Variants in RRM2 observed in about 807,000 individuals in gnomAD.
RRM2 encodes the protein ribonucleoside-diphosphate reductase subunit M2.
Under a neutral mutation model 45.9 loss-of-function variants are expected in RRM2, and 6 were observed. That is an observed-to-expected ratio of 0.13 (90% CI 0.07 to 0.26). The LOEUF is 0.26. Ranked by LOEUF, RRM2 falls within the 10% of genes least tolerant of loss-of-function variation. The pLI is 1.00. For synonymous variants in RRM2, 177 were observed against 173.0 expected, an observed-to-expected ratio of 1.02 and a Z score of -0.18; for missense variants, 343 against 489.5, an observed-to-expected ratio of 0.70 and a Z score of 2.82.
chr2:10,177,913 C>T (rs564618752), intron 3 of RRM2, among the ~76,000 whole-genome samples: 51 of 150,702 alleles, frequency 3.4e-4, no homozygotes, highest in Middle Eastern at 3.4e-3. Flanking sequence ...TGAGCCACTG[C>T]GCTCAAGCTT....
At chr2:10,131,962 G>A (rs1006578960), downstream of RRM2, among the ~76,000 whole-genome samples, 11 of 152,256 alleles carry the variant, frequency 7.2e-5, no homozygotes, top group South Asian at 1.5e-3. Flanking sequence ...CTCTTTTCCC[G>A]TTTGCAAAAC....
At chr2:10,128,491 G>A (rs1662829003) in intron 7 of RRM2, among the ~76,000 whole-genome samples, 1 of 152,226 alleles carries the variant, frequency 6.6e-6, no homozygotes, top group African/African-American at 2.4e-5. Context: ...CCTTATTACT[G>A]AGCTTTGCCT....
At chr2:10,203,738 G>A (rs1664612996) in intron 3 of RRM2, among the ~76,000 whole-genome samples, 1 of 150,514 alleles carries the variant, frequency 6.6e-6, no homozygotes, top group South Asian at 2.1e-4. Flanking sequence ...GTGACAGAGT[G>A]AGACTCTGTC....
At chr2:10,152,784 C>T (rs1277991718) in intron 3 of RRM2, among the ~76,000 whole-genome samples, 1 of 152,050 alleles carries the variant, frequency 6.6e-6, no homozygotes, top group Non-Finnish European at 1.5e-5. Context: ...CACCTGGCCC[C>T]TGTGTACTAT....
At chr2:10,159,860 A>G (rs1374843339) in intron 3 of RRM2, among the ~76,000 whole-genome samples, 1 of 152,146 alleles carries the variant, frequency 6.6e-6, no homozygotes, top group African/African-American at 2.4e-5. Context: ...CTGTAGCCTC[A>G]CGATTGTGCT....
At chr2:10,193,241 A>AT (rs993281959) in intron 3 of RRM2, among the ~76,000 whole-genome samples, 43 of 152,126 alleles carry the variant, frequency 2.8e-4, no homozygotes, top group African/African-American at 9.2e-4. Flanking sequence ...TGATCATTGC[A>AT]TTTGGGAAGC....
At chr2:10,155,099 C>T in intron 3 of RRM2, 1 of 249,374 alleles carries the variant, frequency 4.0e-6, no homozygotes, top group Non-Finnish European at 7.9e-6. Context: ...GAATTGGCCA[C>T]TGACACTGGG....
At chr2:10,168,744 T>C (rs953769403) in intron 3 of RRM2, among the ~76,000 whole-genome samples, 4 of 148,940 alleles carry the variant, frequency 2.7e-5, no homozygotes, top group Non-Finnish European at 5.9e-5. Context: ...TTCTTTTCCA[T>C]TTATCCAGTC....
intron 3 of RRM2, among the ~76,000 whole-genome samples, chr2:10,164,737 C>T (rs1663645216): frequency 6.6e-6 from 1 of 152,206 alleles, no homozygotes; most frequent in South Asian, 2.1e-4. Context: ...CCTATCTGGG[C>T]GGCCAGGGCC....
chr2:10,151,030 G>T (rs891908924), intron 3 of RRM2, among the ~76,000 whole-genome samples: 7 of 152,048 alleles, frequency 4.6e-5, no homozygotes, highest in East Asian at 1.9e-4. Context: ...GGCCAGGCTG[G>T]TCTCAAACCC....
chr2:10,178,088 A>AT (rs368820243), intron 3 of RRM2, among the ~76,000 whole-genome samples: 1 of 148,086 alleles, frequency 6.8e-6, no homozygotes, highest in Non-Finnish European at 1.5e-5. Context: ...CGCCCGGCTA[A>AT]TTTTTTTTTT....
chr2:10,166,387 C>T lies in RRM2; in HGVS notation n.482+24012C>T, dbSNP rs369852377. On this transcript the variant is annotated intron_variant and non_coding_transcript_variant, in intron 3 of 3. Coordinates refer to the RRM2 transcript ENST00000381786. ...CACCCCAGGTTCCTGGTGGCCGATG[C>T]GCTTAGGTCAGCCGACTGGCTTCTG... 2.4e-4 allele frequency among the ~76,000 whole-genome samples: 36 copies of T among 152,318 alleles called. 2 individuals carry two copies. The highest frequency in any genetic ancestry group is 1.4e-3 in the Admixed American group (22 of 15,310).
intron 3 of RRM2, among the ~76,000 whole-genome samples, chr2:10,196,190 C>G (rs1166576765): frequency 6.6e-6 from 1 of 152,198 alleles, no homozygotes; most frequent in Non-Finnish European, 1.5e-5. Flanking sequence ...GAGGCCTAAG[C>G]AGTGAGGAGC....
chr2:10,155,110 A>C (rs1663398067), intron 3 of RRM2: 2 of 279,904 alleles, frequency 7.1e-6, no homozygotes, highest in Admixed American at 9.7e-5. Context: ...TGACACTGGG[A>C]TACTGAGCAG....
intron 3 of RRM2, among the ~76,000 whole-genome samples, chr2:10,190,131 ATGGTGATGG>A (rs905134149): frequency 7.8e-5 from 9 of 114,998 alleles, no homozygotes; most frequent in Admixed American, 3.4e-4. Context: ...GGTGATGATG[ATGGTGATGG>A]TGGTGATGGT....
intron 3 of RRM2, among the ~76,000 whole-genome samples, chr2:10,142,571 C>T: frequency 6.6e-6 from 1 of 152,108 alleles, no homozygotes; most frequent in South Asian, 2.1e-4. Context: ...TCCCATGTCC[C>T]TCACCCCATG....
chr2:10,129,542 T>A lies in RRM2; in HGVS notation c.*156T>A. 2 of 789,196 alleles carry A rather than the reference T, an allele frequency of 2.5e-6. No individual in the cohort carries two copies. Among genetic ancestry groups the A allele is most frequent in the Non-Finnish European group, 4.0e-6 (2 of 496,708 alleles). 48.9% of individuals were successfully genotyped at this position (789,196 alleles called of 1,614,324 possible). A position where few individuals can be genotyped will look rare whatever the true frequency, so the allele number is the denominator to read the frequency against. On this transcript the variant is annotated 3_prime_UTR_variant, in exon 10 of 10. Transcript: ENST00000304567. This position sits in a 1 kb window ranked among gnomAD's most constrained non-coding sequence, Gnocchi z 4.8. ...TGTAGCTACCTCACAACCAGTCCTG[T>A]CTGTTTATAGTGCTGGTAGTATCAC...
intron 3 of RRM2, among the ~76,000 whole-genome samples, chr2:10,160,386 G>A (rs1169171883): frequency 2.0e-5 from 3 of 152,228 alleles, no homozygotes; most frequent in Non-Finnish European, 4.4e-5. Flanking sequence ...GTGGTGCTGA[G>A]TGGAGACTCC....
intron 3 of RRM2, among the ~76,000 whole-genome samples, chr2:10,192,423 G>A (rs569500585): frequency 3.3e-4 from 50 of 152,288 alleles, no homozygotes; most frequent in African/African-American, 1.2e-3. Context: ...ACAGCAGCTC[G>A]GGGAGCTCCA....
Sources: gnomAD v4.1 joint callset for allele counts (sites outside exome capture counted in the v4.1 genomes callset) on GRCh38, gnomAD v4.1.1 for gene constraint, Gnocchi (gnomAD v3.1) non-coding constraint, MANE v1.5 for transcripts, NCBI Gene and HGNC (gene_info 2026-07-23, HGNC 2026-07-21) for gene names.